AGBL1: variants seen among roughly 807,000 people sequenced by gnomAD.
The protein encoded by AGBL1 is cytosolic carboxypeptidase 4.
In AGBL1, 130 loss-of-function variants were observed where a neutral mutation model predicts 118.9. The observed-to-expected ratio is 1.09, with a 90% CI of 0.95 to 1.26. The LOEUF is 1.26. AGBL1 is among the 50% of genes most tolerant of loss of function. The pLI is 0.00. For synonymous variants in AGBL1, 555 were observed against 478.9 expected, an observed-to-expected ratio of 1.16 and a Z score of -2.08; for missense variants, 1,584 against 1,298.1, an observed-to-expected ratio of 1.22 and a Z score of -3.38.
rs1396394255 is a variant in AGBL1, at chr15:86,264,519, G to C, written c.1348G>C (p.Asp450His). The C allele has an allele frequency of 6.2e-7, 1 of 1,614,042 alleles. No homozygotes were observed. The highest frequency in any genetic ancestry group is 1.7e-5 in the Admixed American group (1 of 60,024). The change falls in exon 11 of 23, where the codon GAT becomes CAT. Residue 450 changes from aspartate to histidine, a missense_variant. Coordinates refer to ENST00000614907, the MANE Select transcript of AGBL1 (RefSeq NM_001386094.1). ...TGTGCAATCCAATAGTCTCAGGAGA[G>C]ATTCTTCTGAAAGTGAAATCCCTGA... is the stretch of plus-strand genomic sequence containing the variant. ...QNVQSNSLRR[D>H]SSESEIPDIQ...
intron 21 of AGBL1, among the ~76,000 whole-genome samples, chr15:86,640,964 G>A (rs550590327): frequency 0.012 from 435 of 36,530 alleles, 1 homozygote; most frequent in African/African-American, 0.029. Flanking sequence ...TAATTACTGA[G>A]GTTGATTTTT....
intron 22 of AGBL1, among the ~76,000 whole-genome samples, chr15:86,679,618 C>G (rs1046312539): frequency 1.3e-5 from 2 of 151,266 alleles, no homozygotes; most frequent in South Asian, 2.1e-4. Context: ...TATGAGCATC[C>G]TCACCATAAA....
chr15:86,633,784 G>A lies in AGBL1; in HGVS notation c.2995-40489G>A, dbSNP rs12909314. Among the ~76,000 whole-genome samples the A allele has an allele frequency of 5.7e-3, 609 of 107,436 alleles. 2 individuals are homozygous for A. The highest frequency in any genetic ancestry group is 7.7e-3 in the Non-Finnish European group (386 of 50,010). 70.5% of individuals were successfully genotyped at this position (107,436 alleles called of 152,430 possible). A position where few individuals can be genotyped will look rare whatever the true frequency, so the allele number is the denominator to read the frequency against. On this transcript the variant is annotated intron_variant, in intron 21 of 22. Coordinates refer to ENST00000614907, the MANE Select transcript of AGBL1 (RefSeq NM_001386094.1). ...TATAAATACAATATTTTATGTGTGTGTATATATATATAATGTATATATATA... is the reference window on the plus strand; with the variant it reads ...TATAAATACAATATTTTATGTGTGTATATATATATATAATGTATATATATA...
chr15:86,599,407 G>C (rs1005042983), intron 21 of AGBL1, among the ~76,000 whole-genome samples: 2 of 151,914 alleles, frequency 1.3e-5, no homozygotes, highest in Non-Finnish European at 2.9e-5. Context: ...GGGTCAAATT[G>C]TCTCTATATT....
At position 86,353,034 on chromosome 15, in the gene AGBL1, T is replaced by C. The variant is rs971611795; in HGVS notation, c.2375-44332T>C. On this transcript the variant is annotated intron_variant, in intron 17 of 22. Transcript: ENST00000614907. Reference sequence around the variant, plus strand: ...TCTCTTTTCTTGTGGAGTATGTTGTTATTTTTATAAAGCATCTGTTGCAGT... The same window carrying C: ...TCTCTTTTCTTGTGGAGTATGTTGTCATTTTTATAAAGCATCTGTTGCAGT... Among the ~76,000 whole-genome samples, 16 of 152,250 alleles carry C rather than the reference T, an allele frequency of 1.1e-4. No individual in the cohort carries two copies. The East Asian group carries it at 1.3e-3, about 13-fold the overall frequency.
intron 17 of AGBL1, among the ~76,000 whole-genome samples, chr15:86,371,673 G>A (rs2080972635): frequency 6.6e-6 from 1 of 152,138 alleles, no homozygotes; most frequent in Non-Finnish European, 1.5e-5. Context: ...GACCATTTAT[G>A]TGTGTGTCCC....
At position 86,908,932 on chromosome 15, in the gene AGBL1, G is replaced by C. The variant is rs1010799175; in HGVS notation, c.*1638G>C. The C allele has an allele frequency of 2.6e-5, 4 of 152,206 alleles. No individual in the cohort carries two copies. The highest frequency in any genetic ancestry group is 5.9e-5 in the Non-Finnish European group (4 of 68,050). The allele number at this position is 152,206 out of a possible 1,614,324, so 9.4% of individuals were successfully genotyped here. Reference sequence around the variant, plus strand: ...TCCTGTGGAATTTTACACACTGGAAGACCAGTCCTAGTGTCATGGCTGCAT... The same window carrying C: ...TCCTGTGGAATTTTACACACTGGAACACCAGTCCTAGTGTCATGGCTGCAT... On this transcript the variant is annotated 3_prime_UTR_variant, in exon 23 of 23. Coordinates refer to ENST00000614907, the MANE Select transcript of AGBL1 (RefSeq NM_001386094.1).
intron 19 of AGBL1, among the ~76,000 whole-genome samples, chr15:86,530,234 CAT>C (rs952971536): frequency 7.4e-6 from 1 of 134,568 alleles, no homozygotes; most frequent in Non-Finnish European, 1.5e-5. Flanking sequence ...CAGAGACACA[CAT>C]AGGCTGAAAA....
intron 1 of AGBL1, among the ~76,000 whole-genome samples, chr15:86,101,961 T>C (rs1896750094): frequency 6.6e-6 from 1 of 152,182 alleles, no homozygotes; most frequent in Admixed American, 6.5e-5. Flanking sequence ...TTTGTTCCTT[T>C]CTTTCTCTCA....
intron 21 of AGBL1, among the ~76,000 whole-genome samples, chr15:86,620,722 A>C (rs2084790944): frequency 6.6e-6 from 1 of 152,114 alleles, no homozygotes; most frequent in Admixed American, 6.5e-5. Context: ...CTATCTTCTC[A>C]TTAGAGCCTC....
At chr15:86,214,023 G>C (rs1019078762) in intron 5 of AGBL1, among the ~76,000 whole-genome samples, 5 of 152,100 alleles carry the variant, frequency 3.3e-5, no homozygotes, top group African/African-American at 1.2e-4. Context: ...CACAATATTT[G>C]TCTTTGTATG....
At chr15:86,511,915 G>A (rs1343017087) in intron 18 of AGBL1, among the ~76,000 whole-genome samples, 1 of 151,924 alleles carries the variant, frequency 6.6e-6, no homozygotes, top group African/African-American at 2.4e-5. Flanking sequence ...TGACAACCAA[G>A]ATATAAATAA....
At chr15:87,017,186 G>C (rs2081615441) in intron 24 of AGBL1, among the ~76,000 whole-genome samples, 1 of 152,112 alleles carries the variant, frequency 6.6e-6, no homozygotes. Context: ...TGTTCTGGTT[G>C]ACTCAGCTTT....
At chr15:86,562,952 T>G (rs2083849881) in intron 21 of AGBL1, among the ~76,000 whole-genome samples, 1 of 152,236 alleles carries the variant, frequency 6.6e-6, no homozygotes, top group Non-Finnish European at 1.5e-5. Context: ...TAGTATTCTC[T>G]GATGGTAGTT....
chr15:86,342,686 C>T (rs556208658), intron 17 of AGBL1, among the ~76,000 whole-genome samples: 10 of 152,192 alleles, frequency 6.6e-5, no homozygotes, highest in Admixed American at 2.0e-4. Flanking sequence ...CTAACTGTGT[C>T]GCTGTGAAAT....
At chr15:86,484,214 G>A (rs2082686994) in intron 18 of AGBL1, among the ~76,000 whole-genome samples, 1 of 152,030 alleles carries the variant, frequency 6.6e-6, no homozygotes, top group Non-Finnish European at 1.5e-5. Context: ...ACCTGTAATT[G>A]CAAGAAGGCA....
At chr15:86,479,557 G>A (rs1483523005) in intron 18 of AGBL1, among the ~76,000 whole-genome samples, 3 of 152,280 alleles carry the variant, frequency 2.0e-5, no homozygotes, top group Non-Finnish European at 2.9e-5. Flanking sequence ...TTAGAATGGT[G>A]ATCATTAAAA....
chr15:86,574,548 T>C (rs2084055564), intron 21 of AGBL1, among the ~76,000 whole-genome samples: 1 of 151,188 alleles, frequency 6.6e-6, no homozygotes, highest in Admixed American at 6.6e-5. Flanking sequence ...ACATATGTTC[T>C]ATACAATTCT....
intron 17 of AGBL1, among the ~76,000 whole-genome samples, chr15:86,394,499 A>G (rs1014595792): frequency 6.6e-6 from 1 of 152,136 alleles, no homozygotes; most frequent in African/African-American, 2.4e-5. Context: ...TTTAAACCTG[A>G]TCTTACATTG....
Sources: allele counts gnomAD v4.1 joint callset (sites outside exome capture counted in the v4.1 genomes callset), GRCh38; gene constraint gnomAD v4.1.1; transcripts MANE v1.5; gene names NCBI Gene and HGNC (gene_info 2026-07-23, HGNC 2026-07-21).